Variants in FSD2 observed in about 807,000 individuals in gnomAD.
The protein encoded by FSD2 is fibronectin type III and SPRY domain-containing protein 2.
Under a neutral mutation model 80.4 loss-of-function variants are expected in FSD2, and 71 were observed. The ratio of observed to expected loss-of-function variants is 0.88; its 90% CI spans 0.73 to 1.08. The LOEUF (loss-of-function observed/expected upper bound fraction) is 1.08. FSD2 is among the 50% of genes least tolerant of loss of function. The pLI is 0.00. For synonymous variants in FSD2, 361 were observed against 329.5 expected, an observed-to-expected ratio of 1.10 and a Z score of -1.03; for missense variants, 923 against 913.8, an observed-to-expected ratio of 1.01 and a Z score of -0.13.
Position 82,769,915 on chromosome 15 carries a change from C to A in FSD2, c.1268-31G>T, listed in dbSNP as rs1462696162. The A allele has an allele frequency of 4.3e-6, 7 of 1,610,846 alleles. 1 individual carries two copies. The highest frequency in any genetic ancestry group is 4.0e-5 in the African/African-American group (3 of 74,890). ...GAAAAAAAAAGATAAGAATTCAACC[C>A]TAAAAACTGGCCAAGTGGCTCCAAT... On this transcript the variant is annotated intron_variant, in intron 7 of 12. Coordinates refer to ENST00000334574, the MANE Select transcript of FSD2 (RefSeq NM_001007122.4).
At chr15:82,803,606 C>T (rs2050463731) in intron 1 of FSD2, among the ~76,000 whole-genome samples, 1 of 152,152 alleles carries the variant, frequency 6.6e-6, no homozygotes, top group Non-Finnish European at 1.5e-5. Context: ...CATACTCATC[C>T]AACATGGCCC....
rs1364692862 is a variant in FSD2, at chr15:82,787,055, G to T, written c.336C>A (p.Asp112Glu). Residue 112 changes from aspartate (D) to glutamate (E), a missense_variant, in exon 2 of 13, where the codon GAC becomes GAA. Physicochemically the swap from Asp to Glu is conservative, Grantham distance 45. Coordinates refer to ENST00000334574, the MANE Select transcript of FSD2 (RefSeq NM_001007122.4). Reference protein sequence around the residue: ...EYPPYMMKRRDPAREQRDWRL... With the variant: ...EYPPYMMKRREPAREQRDWRL... ...TCCAGTCTCTCTGCTCCCTGGCTGG[G>T]TCTCTCCTCTTCATCATATAAGGAG... 1.9e-6 allele frequency: 3 copies of T among 1,613,930 alleles called. No homozygotes were observed. Among genetic ancestry groups the T allele is most frequent in the Non-Finnish European group, 2.5e-6 (3 of 1,179,898 alleles).
rs201834971 is a variant in FSD2, at chr15:82,765,900, A to G, written c.1685T>C (p.Ile562Thr). ...VRSEPATVHT[I>T]GSYFRLNKDT... Reference sequence around the variant, plus strand: ...ACTTTGTGGGCTGGGGCACAGACCTATGGTGTGGACTGTAGCTGGCTCGCT... The same window carrying G: ...ACTTTGTGGGCTGGGGCACAGACCTGTGGTGTGGACTGTAGCTGGCTCGCT... Residue 562 changes from isoleucine to threonine, a missense_variant and splice_region_variant, in exon 10 of 13, where the codon ATA (isoleucine) becomes ACA (threonine). Physicochemically the swap from Ile to Thr is moderately conservative, Grantham distance 89. Transcript: ENST00000334574. 1.5e-4 allele frequency: 241 copies of G among 1,608,636 alleles called. No individual in the cohort carries two copies. The highest frequency in any genetic ancestry group is 1.9e-4 in the Non-Finnish European group (227 of 1,177,780).
chr15:82,793,452 A>G (rs2050195245), intron 1 of FSD2, among the ~76,000 whole-genome samples: 2 of 152,190 alleles, frequency 1.3e-5, no homozygotes, highest in African/African-American at 4.8e-5. Flanking sequence ...TAAAAGCACA[A>G]AACAGTTTCT....
chr15:82,779,664 CAAAA>C, intron 5 of FSD2, among the ~76,000 whole-genome samples: 1 of 97,930 alleles, frequency 1.0e-5, no homozygotes, highest in African/African-American at 3.5e-5. Context: ...GAAACTGTCT[CAAAA>C]AAAAAAAAAA....
At chr15:82,766,130 G>T (rs928267093) in intron 9 of FSD2, 99 bp from the exon 10 acceptor site, 1 of 1,344,776 alleles carries the variant, frequency 7.4e-7, no homozygotes, top group Non-Finnish European at 9.9e-7. Flanking sequence ...ACTCACTCTT[G>T]CGCTCCTGTC....
rs758413724 is a variant in FSD2 at position 82,772,169 on chromosome 15, G to A, written c.1171C>T (p.Arg391Ter). The change falls in exon 7 of 13, where the codon CGA (arginine) becomes TGA (stop). Residue 391 changes from arginine to a stop codon, truncating the protein, a stop_gained. Coordinates refer to ENST00000334574, the MANE Select transcript of FSD2 (RefSeq NM_001007122.4). LOFTEE classifies it high-confidence loss of function. ...VPNSATGSSV[R>*]VCWSLYSDDT... is the part of the protein sequence containing the mutation. ...TCGGAGTATAAGCTCCAGCACACTC[G>A]GACTGAGGAACCTGTGGCTGAGTTA... 8.1e-6 allele frequency: 13 copies of A among 1,612,462 alleles called. No individual in the cohort carries two copies. The highest frequency in any genetic ancestry group is 1.1e-5 in the South Asian group (1 of 90,562).
In FSD2 at chr15:82,786,942, T is replaced by C. The variant is rs767556274; in HGVS notation, c.449A>G (p.Tyr150Cys). The C allele has an allele frequency of 6.2e-7, 1 of 1,614,018 alleles. No homozygotes were observed. Among genetic ancestry groups the C allele is most frequent in the African/African-American group, 1.3e-5 (1 of 75,058 alleles). ...GCTGGCACGGCCGTGTGTGTACCTA[T>C]AGGCTTCCCGCAAGTCCTGGCACTG... is the stretch of plus-strand genomic sequence containing the variant. ...AGQCQDLREAYRYTHGRASEE... is the reference protein window; with the variant it reads ...AGQCQDLREACRYTHGRASEE... The change falls in exon 2 of 13, where the codon TAT (tyrosine) becomes TGT (cysteine). Residue 150 changes from tyrosine to cysteine, a missense_variant. Tyr to Cys is a radical substitution (Grantham distance 194, BLOSUM62 -2). Coordinates refer to ENST00000334574, the MANE Select transcript of FSD2 (RefSeq NM_001007122.4).
At chr15:82,795,851 GATGATAGGTGAGTT>G (rs1195542027) in intron 1 of FSD2, among the ~76,000 whole-genome samples, 16 of 151,400 alleles carry the variant, frequency 1.1e-4, no homozygotes, top group Admixed American at 7.2e-4. Flanking sequence ...AAAAGTATTA[GATGATAGGTGAGTT>G]ATGATAGGAG....
In FSD2 at chr15:82,776,084, A is replaced by G. The variant is rs183582337; in HGVS notation, c.1111+2682T>C. Among the ~76,000 whole-genome samples, 10 of 152,316 alleles carry G rather than the reference A, an allele frequency of 6.6e-5. No individual in the cohort carries two copies. In the East Asian group the frequency reaches 7.7e-4, roughly 12 times the overall value. On this transcript the variant is annotated intron_variant, in intron 6 of 12. Transcript: ENST00000334574. The stretch of plus-strand genomic sequence containing the variant: ...AGGATTACTTGACACCAGAAGTTCA[A>G]GAACAGCCTGGGCAACATAGTGAGA...
At chr15:82,783,495 A>G (rs528574710) in intron 3 of FSD2, among the ~76,000 whole-genome samples, 1 of 152,316 alleles carries the variant, frequency 6.6e-6, no homozygotes, top group Admixed American at 6.5e-5. Flanking sequence ...GTTGGAATGG[A>G]AACTGGAGGT....
chr15:82,764,492 C>CTTTTTT (rs60095355), intron 11 of FSD2, among the ~76,000 whole-genome samples: 1,095 of 85,994 alleles, frequency 0.013, 132 homozygotes, highest in Non-Finnish European at 0.015. Flanking sequence ...TCTTTACTTG[C>CTTTTTT]TTTTTTTTTT....
chr15:82,773,117 G>A (rs1041852930), intron 6 of FSD2, among the ~76,000 whole-genome samples: 1 of 152,204 alleles, frequency 6.6e-6, no homozygotes, highest in Non-Finnish European at 1.5e-5. Flanking sequence ...AAAGTGCTGG[G>A]ATTACAGGTG....
At chr15:82,766,905 A>G (rs530200004) in intron 9 of FSD2, among the ~76,000 whole-genome samples, 1 of 152,174 alleles carries the variant, frequency 6.6e-6, no homozygotes. Context: ...GCCACTGTCT[A>G]TATTGCTGCG....
chr15:82,793,491 T>G (rs1041771119), intron 1 of FSD2, among the ~76,000 whole-genome samples: 4 of 152,220 alleles, frequency 2.6e-5, no homozygotes, highest in Non-Finnish European at 5.9e-5. Context: ...TCTGGCTTAC[T>G]TTGTGTGTCA....
intron 1 of FSD2, among the ~76,000 whole-genome samples, chr15:82,802,303 T>C (rs2050433138): frequency 6.6e-6 from 1 of 152,178 alleles, no homozygotes; most frequent in African/African-American, 2.4e-5. Context: ...ATCATGCACA[T>C]TGCCTGCACT....
chr15:82,794,141 A>G (rs28897091), intron 1 of FSD2, among the ~76,000 whole-genome samples: 5,182 of 152,002 alleles, frequency 0.034, 288 homozygotes, highest in African/African-American at 0.12. Context: ...TCCTCTAATC[A>G]CTGCTTTTGC....
At chr15:82,790,732 T>C (rs575602264) in intron 1 of FSD2, among the ~76,000 whole-genome samples, 106 of 141,638 alleles carry the variant, frequency 7.5e-4, no homozygotes, top group African/African-American at 1.7e-3. Flanking sequence ...CCCGCCACCA[T>C]GCCCAGCTAA....
rs371291862 is a variant in FSD2 at position 82,767,342 on chromosome 15, TAGG to T, written c.1554-1314_1554-1312del. Among the ~76,000 whole-genome samples the T allele has an allele frequency of 1.3e-4, 20 of 152,146 alleles. 1 individual carries two copies. In the East Asian group the frequency reaches 1.9e-3, roughly 15 times the overall value. On this transcript the variant is annotated intron_variant, in intron 9 of 12. Coordinates refer to ENST00000334574, the MANE Select transcript of FSD2 (RefSeq NM_001007122.4). ...AAAAGGGACAGAGGAGTCTCCTACA[TAGG>T]AGAAGCATGTGCCAAGGCCCTGTGG...
Sources: gnomAD v4.1 joint callset for allele counts (sites outside exome capture counted in the v4.1 genomes callset) on GRCh38, gnomAD v4.1.1 for gene constraint, MANE v1.5 for transcripts, NCBI Gene and HGNC (gene_info 2026-07-23, HGNC 2026-07-21) for gene names.